The following ACTN2 variants were observed in gnomAD, a reference collection of about 807,000 sequenced individuals.
ACTN2 encodes actinin alpha 2.
ACTN2 carries 39 observed loss-of-function variants against 113.8 expected under a neutral mutation model. The ratio of observed to expected loss-of-function variants is 0.34; its 90% CI spans 0.27 to 0.45. The LOEUF is 0.45. Ranked by LOEUF, ACTN2 falls within the 20% of genes least tolerant of loss-of-function variation. The probability of loss-of-function intolerance (pLI) is 1.00; values close to 1 mark genes in which losing one functional copy is unlikely to be tolerated. For synonymous variants in ACTN2, 429 were observed against 444.1 expected (o/e 0.97, Z 0.43); for missense variants, 992 against 1,177.9 (o/e 0.84, Z 2.31).
At chr1:236,761,775 C>T (rs1326328023) in intron 20 of ACTN2, among the ~76,000 whole-genome samples, 1 of 152,002 alleles carries the variant, frequency 6.6e-6, no homozygotes, top group Non-Finnish European at 1.5e-5. Context: ...ATTATTTTAC[C>T]CTGTTTTCTG....
Position 236,754,016 on chromosome 1 carries a change from C to A in ACTN2, c.1909C>A (p.Arg637Ser). The change falls in exon 16 of 21, where the codon CGT becomes AGT. Residue 637 changes from arginine (R) to serine (S), a missense_variant. Coordinates refer to ENST00000366578, the MANE Select transcript of ACTN2 (RefSeq NM_001103.4). This position sits in a 1 kb window ranked among gnomAD's most constrained non-coding sequence, Gnocchi z 4.9. ...EELARQHANE[R>S]LRRQFAAQAN... ...GCTGGCTCGCCAGCATGCTAACGAGCGTCTGAGGCGCCAGTTTGCTGCCCA... is the reference window on the plus strand; with the variant it reads ...GCTGGCTCGCCAGCATGCTAACGAGAGTCTGAGGCGCCAGTTTGCTGCCCA... 6.2e-7 allele frequency: 1 copy of A among 1,614,128 alleles called. No individual in the cohort carries two copies.
chr1:236,712,892 T>G (rs924581559), intron 1 of ACTN2, among the ~76,000 whole-genome samples: 1 of 150,404 alleles, frequency 6.6e-6, no homozygotes, highest in African/African-American at 2.5e-5. Context: ...TAAATGTTTA[T>G]CTCATTATAT....
chr1:236,725,462 TA>T (rs1401878246), intron 4 of ACTN2, among the ~76,000 whole-genome samples: 1 of 152,070 alleles, frequency 6.6e-6, no homozygotes, highest in Non-Finnish European at 1.5e-5. Flanking sequence ...ATCCTGTCTC[TA>T]CTAAAAATAC....
chr1:236,721,015 G>GGTGGTTTT, intron 4 of ACTN2, among the ~76,000 whole-genome samples: 1 of 49,138 alleles, frequency 2.0e-5, no homozygotes, highest in Non-Finnish European at 3.4e-5. Context: ...TCTGGTTTTT[G>GGTGGTTTT]TTTTTTGTTT....
intron 7 of ACTN2, chr1:236,734,498 G>A (rs1290655248): frequency 6.5e-7 from 1 of 1,535,366 alleles, no homozygotes; most frequent in East Asian, 2.4e-5. Context: ...TTACTATCAT[G>A]CTTTTGCTGG....
chr1:236,706,343 T>A (rs947505339), intron 1 of ACTN2, among the ~76,000 whole-genome samples: 2 of 152,190 alleles, frequency 1.3e-5, no homozygotes, highest in African/African-American at 4.8e-5. Context: ...TGAATGCCAC[T>A]GTGTTCTGGG....
rs1321954523 is a variant in ACTN2 at position 236,757,558 on chromosome 1, C to T, written c.2227C>T (p.Leu743=). The T allele has an allele frequency of 6.2e-7, 1 of 1,614,158 alleles. No homozygotes were observed. Residue 743 remains leucine (L), a synonymous_variant, in exon 18 of 21, where the codon CTG becomes TTG. Transcript: ENST00000366578. ...RTINEVETQI[L]TRDAKGITQE... ...CATCAATGAGGTGGAGACTCAGATC[C>T]TGACGAGAGATGCGAAGGGCATCAC...
intron 14 of ACTN2, among the ~76,000 whole-genome samples, chr1:236,750,364 T>C (rs978012313): frequency 1.3e-5 from 2 of 152,152 alleles, no homozygotes; most frequent in Non-Finnish European, 2.9e-5. Flanking sequence ...TCCATGAACA[T>C]TGGAGTTGCC....
In ACTN2 at chr1:236,737,297, G is replaced by GTATTTATATATATATATATATA; in HGVS notation, c.876+83_876+84insTATTTATATATATATATATATA. The GTATTTATATATATATATATATA allele has an allele frequency of 1.5e-4, 48 of 322,218 alleles. 1 individual carries two copies. Among genetic ancestry groups the GTATTTATATATATATATATATA allele is most frequent in the South Asian group, 3.7e-4 (16 of 43,800 alleles). The allele number at this position is 322,218 out of a possible 1,614,324, so 20.0% of individuals were successfully genotyped here. The stretch of plus-strand genomic sequence containing the variant: ...GAGGGTGAAAAAATACTCCGTGGGG[G>GTATTTATATATATATATATATA]CATATATATATATATATATATTTTG... On this transcript the variant is annotated intron_variant, in intron 9 of 20. Coordinates refer to ENST00000366578, the MANE Select transcript of ACTN2 (RefSeq NM_001103.4).
intron 8 of ACTN2, among the ~76,000 whole-genome samples, chr1:236,736,232 C>A (rs550480849): frequency 1.3e-5 from 2 of 152,240 alleles, no homozygotes; most frequent in Non-Finnish European, 2.9e-5. Context: ...CCCAAGGGAC[C>A]TTGAGGAAGA....
At chr1:236,738,492 GCA>G (rs1204913540) in intron 9 of ACTN2, among the ~76,000 whole-genome samples, 3 of 152,220 alleles carry the variant, frequency 2.0e-5, no homozygotes, top group African/African-American at 7.2e-5. Flanking sequence ...CAGACATGAA[GCA>G]TGGCCAGTAC....
chr1:236,715,721 C>T (rs1034445760), intron 1 of ACTN2, among the ~76,000 whole-genome samples: 3 of 152,004 alleles, frequency 2.0e-5, no homozygotes, highest in African/African-American at 4.8e-5. Flanking sequence ...TTTGAGAGGC[C>T]GAGGCAGATG....
chr1:236,742,175 T>C (rs1464169857), intron 10 of ACTN2, among the ~76,000 whole-genome samples: 1 of 152,194 alleles, frequency 6.6e-6, no homozygotes, highest in Non-Finnish European at 1.5e-5. Context: ...GCAGTATCCC[T>C]TGACCCTGCT....
chr1:236,709,359 CGT>C lies in ACTN2; in HGVS notation c.127-8490_127-8489del, dbSNP rs143799926. ...ATATATACGTGTATATATATATATA[CGT>C]GTGTGTGTATATATATATATGTATG... On this transcript the variant is annotated intron_variant, in intron 1 of 20. Coordinates refer to ENST00000366578, the MANE Select transcript of ACTN2 (RefSeq NM_001103.4). Among the ~76,000 whole-genome samples the C allele has an allele frequency of 7.7e-3, 854 of 110,546 alleles. 2 individuals carry two copies. The highest frequency in any genetic ancestry group is 0.011 in the Non-Finnish European group (639 of 57,152). 72.5% of individuals were successfully genotyped at this position (110,546 alleles called of 152,430 possible). A position where few individuals can be genotyped will look rare whatever the true frequency, so the allele number is the denominator to read the frequency against.
At chr1:236,710,619 T>A (rs1657995386) in intron 1 of ACTN2, among the ~76,000 whole-genome samples, 1 of 152,186 alleles carries the variant, frequency 6.6e-6, no homozygotes, top group South Asian at 2.1e-4. Context: ...ACGCCCAGAC[T>A]GTTGACTGGT....
At chr1:236,752,710 C>A (rs1276503970) in intron 15 of ACTN2, among the ~76,000 whole-genome samples, 7 of 151,952 alleles carry the variant, frequency 4.6e-5, no homozygotes, top group Admixed American at 3.3e-4. Flanking sequence ...CGCCACCACG[C>A]CTGGCTAATT....
At chr1:236,720,017 A>G in intron 3 of ACTN2, 88 bp from the exon 4 acceptor site, 7 of 875,516 alleles carry the variant, frequency 8.0e-6, no homozygotes, top group Non-Finnish European at 1.4e-5. Flanking sequence ...ATTTTCCAAT[A>G]GCTCTGAAGT....
intron 8 of ACTN2, chr1:236,736,472 C>A: frequency 1.2e-6 from 1 of 814,996 alleles, no homozygotes; most frequent in Admixed American, 2.4e-5. Context: ...AGTTATGGTT[C>A]AAGGCGCTTT....
At chr1:236,709,272 ATATATATGTATATATATG>A (rs1657939491) in intron 1 of ACTN2, among the ~76,000 whole-genome samples, 1 of 132,246 alleles carries the variant, frequency 7.6e-6, no homozygotes, top group South Asian at 2.4e-4. Flanking sequence ...ACACACACAC[ATATATATGTATATATATG>A]TATATATGTA....
Sources: allele counts gnomAD v4.1 joint callset (sites outside exome capture counted in the v4.1 genomes callset), GRCh38; gene constraint gnomAD v4.1.1; non-coding constraint Gnocchi (gnomAD v3.1); transcripts MANE v1.5; gene names NCBI Gene and HGNC (gene_info 2026-07-23, HGNC 2026-07-21).